The following NRXN1 variants were observed in gnomAD, a reference collection of about 807,000 sequenced individuals.
NRXN1 encodes the protein neurexin-1.
A neutral mutation model predicts 150.9 loss-of-function variants in NRXN1; 39 were observed. The ratio of observed to expected loss-of-function variants is 0.26; its 90% CI spans 0.20 to 0.34. The LOEUF (loss-of-function observed/expected upper bound fraction) is 0.34, where lower values mean the gene tolerates loss of function less well. Ranked by LOEUF, NRXN1 falls within the 10% of genes least tolerant of loss-of-function variation. NRXN1 has a pLI of 1.00. For missense variants in NRXN1, 1,815 were observed against 1,949.9 expected, an observed-to-expected ratio of 0.93 and a Z score of 1.30; for synonymous variants, 924 against 757.0, an observed-to-expected ratio of 1.22 and a Z score of -3.62.
intron 8 of NRXN1, among the ~76,000 whole-genome samples, chr2:50,605,984 G>C (rs1056514399): frequency 6.6e-6 from 1 of 152,036 alleles, no homozygotes; most frequent in South Asian, 2.1e-4. Context: ...GAATCAGCCA[G>C]GAGCCTGTAA....
chr2:50,087,811 C>T (rs1699005015), intron 19 of NRXN1, among the ~76,000 whole-genome samples: 1 of 152,066 alleles, frequency 6.6e-6, no homozygotes, highest in African/African-American at 2.4e-5. Flanking sequence ...TCTATGAAAG[C>T]CTTCCAGGCA....
chr2:50,968,897 G>A (rs1323143969), intron 2 of NRXN1, among the ~76,000 whole-genome samples: 1 of 152,008 alleles, frequency 6.6e-6, no homozygotes, highest in African/African-American at 2.4e-5. Context: ...CTTCTGCTTA[G>A]AGCTTGCCGA....
chr2:50,213,503 AATG>A (rs1321504291), intron 18 of NRXN1, among the ~76,000 whole-genome samples: 1 of 151,840 alleles, frequency 6.6e-6, no homozygotes, highest in Non-Finnish European at 1.5e-5. Context: ...AACATAATAG[AATG>A]ATAAGACTGT....
At chr2:50,882,497 GT>G (rs1177509617) in intron 5 of NRXN1, among the ~76,000 whole-genome samples, 1 of 151,832 alleles carries the variant, frequency 6.6e-6, no homozygotes, top group Non-Finnish European at 1.5e-5. Flanking sequence ...CTGAGCTAGA[GT>G]TTAAACCATG....
intron 2 of NRXN1, among the ~76,000 whole-genome samples, chr2:50,958,306 G>C (rs544238349): frequency 1.3e-5 from 2 of 152,168 alleles, no homozygotes; most frequent in East Asian, 1.9e-4. Flanking sequence ...CTAGATACAA[G>C]TATAAGCACC....
chr2:50,589,845 A>G (rs1386865302), intron 8 of NRXN1, among the ~76,000 whole-genome samples: 2 of 152,160 alleles, frequency 1.3e-5, no homozygotes, highest in African/African-American at 4.8e-5. Context: ...CTGAAAATAG[A>G]AGGGAGGGAT....
At chr2:50,906,633 T>C (rs1683719769) in intron 5 of NRXN1, among the ~76,000 whole-genome samples, 1 of 152,084 alleles carries the variant, frequency 6.6e-6, no homozygotes, top group Admixed American at 6.6e-5. Context: ...TCCTTAAGTC[T>C]TTCCATCATC....
intron 17 of NRXN1, among the ~76,000 whole-genome samples, chr2:50,249,157 A>T (rs1251126580): frequency 2.1e-5 from 1 of 48,420 alleles, no homozygotes. Flanking sequence ...ACCCTTTCTT[A>T]AAAAAAAAAA....
chr2:50,538,663 G>T, intron 9 of NRXN1, 27 bp from the exon 10 acceptor site: 1 of 1,430,762 alleles, frequency 7.0e-7, no homozygotes, highest in Non-Finnish European at 9.2e-7. Flanking sequence ...AGAATGCACA[G>T]GTCTTTAAAA....
At chr2:50,487,338 C>A (rs78361033) in intron 15 of NRXN1, among the ~76,000 whole-genome samples, 5,305 of 152,142 alleles carry the variant, frequency 0.035, 311 homozygotes, top group African/African-American at 0.12. Context: ...TCCTTACGAA[C>A]AACCAAAATA....
chr2:50,808,569 C>T (rs1021298169), intron 5 of NRXN1, among the ~76,000 whole-genome samples: 3 of 151,948 alleles, frequency 2.0e-5, no homozygotes, highest in African/African-American at 7.3e-5. Context: ...GAGAAAATGT[C>T]AATAAATAAA....
chr2:50,434,275 G>T (rs1471851002), intron 17 of NRXN1, among the ~76,000 whole-genome samples: 1 of 151,524 alleles, frequency 6.6e-6, no homozygotes, highest in African/African-American at 2.4e-5. Context: ...GTAGAGACAG[G>T]GTTTCACCGT....
chr2:50,975,994 T>A (rs752814206), intron 2 of NRXN1, among the ~76,000 whole-genome samples: 29 of 152,010 alleles, frequency 1.9e-4, no homozygotes, highest in Non-Finnish European at 2.9e-5. Context: ...TTTTTACATA[T>A]ATATTTTTTA....
chr2:50,293,656 CAT>C (rs1038770435), intron 17 of NRXN1, among the ~76,000 whole-genome samples: 4 of 152,092 alleles, frequency 2.6e-5, no homozygotes, highest in Non-Finnish European at 4.4e-5. Context: ...AGGAAGGAGA[CAT>C]AGGAAATGAG....
chr2:50,771,422 T>C (rs1363599684), intron 5 of NRXN1, among the ~76,000 whole-genome samples: 1 of 152,098 alleles, frequency 6.6e-6, no homozygotes, highest in Non-Finnish European at 1.5e-5. Flanking sequence ...ATGATACTTT[T>C]TATAAAATAG....
chr2:50,473,954 A>G (rs1000050072), intron 15 of NRXN1, among the ~76,000 whole-genome samples: 2 of 152,024 alleles, frequency 1.3e-5, no homozygotes, highest in African/African-American at 4.8e-5. Flanking sequence ...TCAACGTTAA[A>G]AACTGAGAAC....
intron 17 of NRXN1, among the ~76,000 whole-genome samples, chr2:50,455,347 C>T (rs2087443410): frequency 6.6e-6 from 1 of 152,166 alleles, no homozygotes; most frequent in South Asian, 2.1e-4. Flanking sequence ...GACTCAGATA[C>T]CGTAGGCACT....
intron 2 of NRXN1, among the ~76,000 whole-genome samples, chr2:50,984,564 T>C (rs946987035): frequency 6.6e-6 from 1 of 152,068 alleles, no homozygotes; most frequent in Non-Finnish European, 1.5e-5. Flanking sequence ...CTTTTCTTCC[T>C]GAGTCCTATA....
intron 5 of NRXN1, among the ~76,000 whole-genome samples, chr2:50,822,328 C>T (rs10189876): frequency 0.1 from 15,449 of 151,952 alleles, 972 homozygotes; most frequent in East Asian, 0.21. Context: ...AGAAGTCATG[C>T]TTTTATTAAA....
Sources: allele counts gnomAD v4.1 joint callset (sites outside exome capture counted in the v4.1 genomes callset), GRCh38; gene constraint gnomAD v4.1.1; transcripts MANE v1.5; gene names NCBI Gene and HGNC (gene_info 2026-07-23, HGNC 2026-07-21).